Variants in MAML3 observed in about 807,000 individuals in gnomAD.
The protein encoded by MAML3 is mastermind-like protein 3.
MAML3 carries 27 observed loss-of-function variants against 101.9 expected under a neutral mutation model. That is an observed-to-expected ratio of 0.27 (90% CI 0.20 to 0.37). The LOEUF (loss-of-function observed/expected upper bound fraction) is 0.37. Ranked by LOEUF, MAML3 falls within the 10% of genes least tolerant of loss-of-function variation. MAML3 has a pLI of 1.00. For missense variants in MAML3, 1,316 were observed against 1,444.9 expected, an observed-to-expected ratio of 0.91 and a Z score of 1.45; for synonymous variants, 501 against 555.9, an observed-to-expected ratio of 0.90 and a Z score of 1.39.
At chr4:140,097,811 C>G (rs974076856) in intron 1 of MAML3, among the ~76,000 whole-genome samples, 2 of 152,170 alleles carry the variant, frequency 1.3e-5, no homozygotes, top group Admixed American at 1.3e-4. Flanking sequence ...GACTTTTAAC[C>G]AGATGGGAAA....
At chr4:139,880,487 C>T (rs753472151) in intron 2 of MAML3, among the ~76,000 whole-genome samples, 6 of 152,064 alleles carry the variant, frequency 3.9e-5, no homozygotes, top group Non-Finnish European at 8.8e-5. Flanking sequence ...CCAGGTACTA[C>T]TGGCTTAGTC....
chr4:139,825,751 A>G (rs111693189), intron 2 of MAML3, among the ~76,000 whole-genome samples: 10 of 143,214 alleles, frequency 7.0e-5, no homozygotes, highest in African/African-American at 2.4e-4. Flanking sequence ...AATGACTTCA[A>G]GGAAGAGAAG....
At chr4:139,931,433 A>C (rs1394562840) in intron 1 of MAML3, among the ~76,000 whole-genome samples, 1 of 152,198 alleles carries the variant, frequency 6.6e-6, no homozygotes, top group East Asian at 1.9e-4. Context: ...ACCGTCTAAA[A>C]ATTGCAGGGA....
chr4:139,932,530 A>G (rs1214765689), intron 1 of MAML3, among the ~76,000 whole-genome samples: 1 of 152,168 alleles, frequency 6.6e-6, no homozygotes, highest in Non-Finnish European at 1.5e-5. Flanking sequence ...GCTTGAGGGG[A>G]GCAGGAAAAC....
At chr4:140,000,985 G>A (rs1027966500) in intron 1 of MAML3, among the ~76,000 whole-genome samples, 1 of 152,020 alleles carries the variant, frequency 6.6e-6, no homozygotes, top group Non-Finnish European at 1.5e-5. Context: ...CTGAGATCAT[G>A]TCATTGCACT....
intron 1 of MAML3, among the ~76,000 whole-genome samples, chr4:140,152,515 A>G (rs927898679): frequency 6.6e-6 from 1 of 151,962 alleles, no homozygotes; most frequent in African/African-American, 2.4e-5. Flanking sequence ...GTTTCAACTC[A>G]GGGGTTCACT....
At position 140,153,540 on chromosome 4, in the gene MAML3, G is replaced by A. The variant is rs1729217399; in HGVS notation, c.-213C>T. ...CTTTTTTTAAACTGTAAAAGCTCAA[G>A]GGGAAGAAAAGGGGGGAACGTTATC... On this transcript the variant is annotated 5_prime_UTR_variant, in exon 1 of 5. Coordinates refer to ENST00000509479, the MANE Select transcript of MAML3 (RefSeq NM_018717.5). 1.9e-6 allele frequency: 1 copy of A among 536,444 alleles called. No individual in the cohort carries two copies. Among genetic ancestry groups the A allele is most frequent in the Non-Finnish European group, 3.2e-6 (1 of 311,608 alleles). 33.2% of individuals were successfully genotyped at this position (536,444 alleles called of 1,614,324 possible).
chr4:139,885,259 T>G (rs879393853), intron 2 of MAML3, among the ~76,000 whole-genome samples: 3 of 151,538 alleles, frequency 2.0e-5, no homozygotes, highest in Non-Finnish European at 2.9e-5. Context: ...AAAAAAAAAT[T>G]AGCCAGGTAT....
intron 1 of MAML3, among the ~76,000 whole-genome samples, chr4:139,982,113 T>C (rs530551219): frequency 6.6e-6 from 1 of 152,380 alleles, no homozygotes; most frequent in East Asian, 1.9e-4. Flanking sequence ...CACAAATTAT[T>C]TGAAATTCTT....
At chr4:140,118,781 G>C (rs1487495044) in intron 1 of MAML3, among the ~76,000 whole-genome samples, 2 of 152,196 alleles carry the variant, frequency 1.3e-5, no homozygotes, top group East Asian at 1.9e-4. Flanking sequence ...AGCAGGGAAA[G>C]AGAGCCTAAC....
At chr4:139,998,295 T>C (rs1227784114) in intron 1 of MAML3, among the ~76,000 whole-genome samples, 1 of 152,208 alleles carries the variant, frequency 6.6e-6, no homozygotes, top group African/African-American at 2.4e-5. Flanking sequence ...CTAATGATTT[T>C]TAAAATTTAA....
intron 2 of MAML3, among the ~76,000 whole-genome samples, chr4:139,801,648 GT>G (rs1240357094): frequency 0.042 from 693 of 16,414 alleles, 7 homozygotes; most frequent in Middle Eastern, 0.12. Context: ...GTGTGGGTGT[GT>G]GTGTGTGTGT....
intron 2 of MAML3, among the ~76,000 whole-genome samples, chr4:139,879,747 C>T (rs1480197782): frequency 6.6e-6 from 1 of 152,112 alleles, no homozygotes; most frequent in Non-Finnish European, 1.5e-5. Flanking sequence ...ATCTTGAATG[C>T]TTTCCCCAGG....
chr4:140,040,638 A>G (rs17315705), intron 1 of MAML3, among the ~76,000 whole-genome samples: 16,748 of 152,278 alleles, frequency 0.11, 1,015 homozygotes, highest in African/African-American at 0.13. Flanking sequence ...GGTGATGAAC[A>G]AAAGGACATT....
Position 139,890,269 on chromosome 4 carries a change from G to A in MAML3, c.1167C>T (p.Ser389=). 2 of 1,613,896 alleles carry A rather than the reference G, an allele frequency of 1.2e-6. No individual in the cohort carries two copies. The highest frequency in any genetic ancestry group is 1.7e-6 in the Non-Finnish European group (2 of 1,179,892). ...CAACAGAAGGTAAACTAGTGGCCGT[G>A]GAGACAGTAGAAAAGGGAGGACCAG... The part of the protein sequence containing the change: ...SSSGPPFSTV[S]TATSLPSVAS... The change falls in exon 2 of 5, where the codon TCC becomes TCT. Residue 389 remains serine, a synonymous_variant. Coordinates refer to ENST00000509479, the MANE Select transcript of MAML3 (RefSeq NM_018717.5). This position sits in a 1 kb window ranked among gnomAD's most constrained non-coding sequence, Gnocchi z 4.1.
At chr4:139,947,417 A>G (rs553041958) in intron 1 of MAML3, among the ~76,000 whole-genome samples, 53 of 152,306 alleles carry the variant, frequency 3.5e-4, no homozygotes, top group Middle Eastern at 3.4e-3. Context: ...GAAGCTATAC[A>G]CACATCTCTG....
At chr4:139,854,074 C>T (rs899224132) in intron 2 of MAML3, among the ~76,000 whole-genome samples, 6 of 152,048 alleles carry the variant, frequency 3.9e-5, no homozygotes, top group East Asian at 3.9e-4. Flanking sequence ...CCGCCCGCCT[C>T]GTCCTCTCAA....
chr4:139,771,914 A>C (rs528473378), intron 2 of MAML3, among the ~76,000 whole-genome samples: 5 of 150,334 alleles, frequency 3.3e-5, no homozygotes, highest in Admixed American at 3.3e-4. Flanking sequence ...TGAAAGAAAC[A>C]TCCCACACCA....
chr4:139,888,333 CAA>C (rs374791805), intron 2 of MAML3, among the ~76,000 whole-genome samples: 17 of 152,344 alleles, frequency 1.1e-4, no homozygotes, highest in African/African-American at 3.8e-4. Context: ...GCCTCTAAAG[CAA>C]AGACTTTTCT....
Sources: gnomAD v4.1 joint callset for allele counts (sites outside exome capture counted in the v4.1 genomes callset) on GRCh38, gnomAD v4.1.1 for gene constraint, Gnocchi (gnomAD v3.1) non-coding constraint, MANE v1.5 for transcripts, NCBI Gene and HGNC (gene_info 2026-07-23, HGNC 2026-07-21) for gene names.